KLHDC7A: variants seen among roughly 807,000 people sequenced by gnomAD.
KLHDC7A encodes the protein kelch domain containing 7A.
For synonymous variants in KLHDC7A, 464 were observed against 461.0 expected (o/e 1.01, Z -0.08); for missense variants, 1,123 against 1,052.6 (o/e 1.07, Z -0.93).
chr1:18,481,083 C>A lies in KLHDC7A; in HGVS notation c.102C>A (p.Ala34=), dbSNP rs765848067. 4 of 1,613,892 alleles carry A rather than the reference C, an allele frequency of 2.5e-6. No homozygotes were observed. The South Asian group carries it at 4.4e-5, about 18-fold the overall frequency. The change falls in exon 1 of 1, where the codon GCC becomes GCA. Residue 34 remains alanine, a synonymous_variant. Transcript: ENST00000400664. The part of the protein sequence containing the change: ...SAAALLLVTV[A]YRLYKSRPAP... ...CTGCCCTGCTCCTGGTGACTGTGGCCTACAGGCTGTACAAGTCGAGGCCTG... is the reference window on the plus strand; with the variant it reads ...CTGCCCTGCTCCTGGTGACTGTGGCATACAGGCTGTACAAGTCGAGGCCTG...
rs767660826 is a variant in KLHDC7A at position 18,482,457 on chromosome 1, G to GTACC, written c.1478_1481dup (p.Val495ProfsTer5). 1 of 1,610,966 alleles carries GTACC rather than the reference G, an allele frequency of 6.2e-7. No individual in the cohort carries two copies. The highest frequency in any genetic ancestry group is 1.7e-5 in the Admixed American group (1 of 60,010). On this transcript the variant is annotated frameshift_variant, in exon 1 of 1. Coordinates refer to ENST00000400664, the MANE Select transcript of KLHDC7A (RefSeq NM_152375.3). LOFTEE classifies it low-confidence loss of function (END_TRUNC). ...TGCAGCGCCGGCTCCGGGGCCGCCA[G>GTACC]TACCTGGTGGTGGCTGACGTGTGCC...
Position 18,484,282 on chromosome 1 carries a change from C to G in KLHDC7A, c.*967C>G, listed in dbSNP as rs529190398. The G allele has an allele frequency of 3.6e-5, 13 of 364,454 alleles. No homozygotes were observed. Among genetic ancestry groups the G allele is most frequent in the African/African-American group, 2.8e-4 (13 of 46,700 alleles). The allele number at this position is 364,454 out of a possible 1,614,324, so 22.6% of individuals were successfully genotyped here. Reference sequence around the variant, plus strand: ...TCACATTTTCAGGTGGATGACCAAGCGGAGGAACTAGAAGAGTCTAGTGAA... The same window carrying G: ...TCACATTTTCAGGTGGATGACCAAGGGGAGGAACTAGAAGAGTCTAGTGAA... On this transcript the variant is annotated 3_prime_UTR_variant, in exon 1 of 1. Coordinates refer to ENST00000400664, the MANE Select transcript of KLHDC7A (RefSeq NM_152375.3).
rs995238148 is a variant in KLHDC7A, at chr1:18,485,870, GTTTATT to G, written c.*2560_*2565del. The G allele has an allele frequency of 6.0e-6, 1 of 166,352 alleles. No homozygotes were observed. The highest frequency in any genetic ancestry group is 1.5e-5 in the Non-Finnish European group (1 of 68,016). 10.3% of individuals were successfully genotyped at this position (166,352 alleles called of 1,614,324 possible). A position where few individuals can be genotyped will look rare whatever the true frequency, so the allele number is the denominator to read the frequency against. On this transcript the variant is annotated 3_prime_UTR_variant, in exon 1 of 1. Transcript: ENST00000400664. ...CATTCTCTATTGTAATTTTGTTCCT[GTTTATT>G]TTTAAGTTTTCTTTTTGTTTCACTG... is the stretch of plus-strand genomic sequence containing the variant.
rs2086906664 is a variant in KLHDC7A at position 18,482,848 on chromosome 1, T to C, written c.1867T>C (p.Phe623Leu). ...DFAPPLPSDT[F>L]ALAHTATVRA... ...TGCCCCGCCGCTCCCCAGTGACACG[T>C]TCGCCCTGGCGCACACGGCCACGGT... The change falls in exon 1 of 1, where the codon TTC becomes CTC. Residue 623 changes from phenylalanine (F) to leucine (L), a missense_variant. Phe to Leu is a conservative substitution (Grantham distance 22). Coordinates refer to ENST00000400664, the MANE Select transcript of KLHDC7A (RefSeq NM_152375.3). 1 of 1,611,626 alleles carries C rather than the reference T, an allele frequency of 6.2e-7. No individual in the cohort carries two copies. The highest frequency in any genetic ancestry group is 8.5e-7 in the Non-Finnish European group (1 of 1,179,526).
chr1:18,482,366 A>T lies in KLHDC7A; in HGVS notation c.1385A>T (p.Tyr462Phe). 6.2e-7 allele frequency: 1 copy of T among 1,603,476 alleles called. No homozygotes were observed. The highest frequency in any genetic ancestry group is 8.5e-7 in the Non-Finnish European group (1 of 1,179,922). Residue 462 changes from tyrosine (Y) to phenylalanine (F), a missense_variant, in exon 1 of 1, where the codon TAC (tyrosine) becomes TTC (phenylalanine). By Grantham distance (22) the Tyr-to-Phe change is conservative. Transcript: ENST00000400664. ...EAAYKVMSEN[Y>F]LQVLRSPDIY... Reference sequence around the variant, plus strand: ...GCCTACAAGGTGATGAGCGAAAACTACCTGCAGGTGCTGCGCAGCCCGGAC... The same window carrying T: ...GCCTACAAGGTGATGAGCGAAAACTTCCTGCAGGTGCTGCGCAGCCCGGAC...
Position 18,481,398 on chromosome 1 carries a change from C to T in KLHDC7A, c.417C>T (p.Cys139=). ...CGGACTCTGAGCAGGTGCCTCCTTGCTGCCCCAGCCAGGAAACCAGAACAG... is the reference window on the plus strand; with the variant it reads ...CGGACTCTGAGCAGGTGCCTCCTTGTTGCCCCAGCCAGGAAACCAGAACAG... ...QGSDSEQVPP[C]CPSQETRTAV... is the part of the protein sequence containing the mutation. Residue 139 remains cysteine (C), a synonymous_variant, in exon 1 of 1, where the codon TGC becomes TGT. Transcript: ENST00000400664. The T allele has an allele frequency of 3.1e-6, 5 of 1,613,326 alleles. No individual in the cohort carries two copies. Among genetic ancestry groups the T allele is most frequent in the Non-Finnish European group, 4.2e-6 (5 of 1,179,754 alleles).
At position 18,484,124 on chromosome 1, in the gene KLHDC7A, C is replaced by T; in HGVS notation, c.*809C>T. The T allele has an allele frequency of 1.1e-6, 1 of 934,342 alleles. No individual in the cohort carries two copies. Among genetic ancestry groups the T allele is most frequent in the Non-Finnish European group, 1.5e-6 (1 of 652,990 alleles). The allele number at this position is 934,342 out of a possible 1,614,324, so 57.9% of individuals were successfully genotyped here. On this transcript the variant is annotated 3_prime_UTR_variant, in exon 1 of 1. Transcript: ENST00000400664. ...CCTCGGCCCTGCCCATGTTAACTGA[C>T]CATTGCACTCATTCTCAGATCTGTA... is the stretch of plus-strand genomic sequence containing the variant.
rs374976854 is a variant in KLHDC7A, at chr1:18,481,707, C to T, written c.726C>T (p.Ala242=). The change falls in exon 1 of 1, where the codon GCC becomes GCT. Residue 242 remains alanine, a synonymous_variant. Coordinates refer to ENST00000400664, the MANE Select transcript of KLHDC7A (RefSeq NM_152375.3). The part of the protein sequence containing the change: ...SREEAGALEA[A]SDVDLTLHQQ... ...AAGAGGCTGGGGCTCTCGAGGCTGC[C>T]TCCGATGTTGACCTGACCCTGCATC... 4 of 1,614,008 alleles carry T rather than the reference C, an allele frequency of 2.5e-6. No homozygotes were observed. The African/African-American group carries it at 5.3e-5, about 22-fold the overall frequency.
Position 18,482,066 on chromosome 1 carries a change from G to A in KLHDC7A, c.1085G>A (p.Arg362Gln). 1.2e-6 allele frequency: 2 copies of A among 1,612,646 alleles called. No individual in the cohort carries two copies. The highest frequency in any genetic ancestry group is 1.7e-6 in the Non-Finnish European group (2 of 1,179,836). Reference protein sequence around the residue: ...GPWPSTRGFSRKESLLQIAEN... With the variant: ...GPWPSTRGFSQKESLLQIAEN... ...TGGCCCTCCACCCGAGGCTTCAGCC[G>A]GAAGGAGAGCCTTCTGCAGATAGCG... Residue 362 changes from arginine to glutamine, a missense_variant, in exon 1 of 1, where the codon CGG becomes CAG. Coordinates refer to ENST00000400664, the MANE Select transcript of KLHDC7A (RefSeq NM_152375.3).
rs1302239904 is a variant in KLHDC7A, at chr1:18,482,984, G to T, written c.2003G>T (p.Arg668Leu). 6.2e-7 allele frequency: 1 copy of T among 1,612,856 alleles called. No homozygotes were observed. Among genetic ancestry groups the T allele is most frequent in the Admixed American group, 1.7e-5 (1 of 59,986 alleles). The stretch of plus-strand genomic sequence containing the variant: ...GGCCCCACCGGGGGCAGCAAGGACC[G>T]CACGGCCGAGATGGTGGCGGTCAAC... ...WAGPTGGSKD[R>L]TAEMVAVNGF... is the part of the protein sequence containing the mutation. The change falls in exon 1 of 1, where the codon CGC (arginine) becomes CTC (leucine). Residue 668 changes from arginine to leucine, a missense_variant. By Grantham distance (102) the Arg-to-Leu change is moderately radical. Coordinates refer to ENST00000400664, the MANE Select transcript of KLHDC7A (RefSeq NM_152375.3).
rs1272454765 is a variant in KLHDC7A, at chr1:18,481,839, G to C, written c.858G>C (p.Lys286Asn). ...CGGAGGGGGTTGAGCCCCGGCTCAA[G>C]GGCAAGGTGTACGACTACTATGTGG... ...QKAEGVEPRL[K>N]GKVYDYYVES... The change falls in exon 1 of 1, where the codon AAG (lysine) becomes AAC (asparagine). Residue 286 changes from lysine to asparagine, a missense_variant. Lys to Asn is a moderately conservative substitution (Grantham distance 94, BLOSUM62 0). Transcript: ENST00000400664. The C allele has an allele frequency of 1.2e-6, 2 of 1,614,100 alleles. No individual in the cohort carries two copies. The highest frequency in any genetic ancestry group is 2.2e-5 in the East Asian group (1 of 44,870).
Position 18,485,069 on chromosome 1 carries a change from CA to C in KLHDC7A, c.*1756del, listed in dbSNP as rs2086924540. ...AGTGTCAACACTAGGCATGAACCTC[CA>C]AGGGACCTGTGGGCTGGGGCAGAAT... On this transcript the variant is annotated 3_prime_UTR_variant, in exon 1 of 1. Coordinates refer to ENST00000400664, the MANE Select transcript of KLHDC7A (RefSeq NM_152375.3). 1 of 167,258 alleles carries C rather than the reference CA, an allele frequency of 6.0e-6. No homozygotes were observed. Among genetic ancestry groups the C allele is most frequent in the Non-Finnish European group, 1.5e-5 (1 of 68,286 alleles). 10.4% of individuals were successfully genotyped at this position (167,258 alleles called of 1,614,324 possible). A position where few individuals can be genotyped will look rare whatever the true frequency, so the allele number is the denominator to read the frequency against.
rs761390895 is a variant in KLHDC7A, at chr1:18,482,679, G to A, written c.1698G>A (p.Thr566=). ...GCGTCTTCTGCTACAACCCGCTCAC[G>A]GGGATCTGGAGCGAGGTGTGCCCGC... The part of the protein sequence containing the change: ...SSRVFCYNPL[T]GIWSEVCPLN... Residue 566 remains threonine (T), a synonymous_variant, in exon 1 of 1, where the codon ACG becomes ACA. Coordinates refer to ENST00000400664, the MANE Select transcript of KLHDC7A (RefSeq NM_152375.3). 6.2e-7 allele frequency: 1 copy of A among 1,609,270 alleles called. No individual in the cohort carries two copies. The highest frequency in any genetic ancestry group is 1.1e-5 in the South Asian group (1 of 90,904).
In KLHDC7A at chr1:18,481,570, C is replaced by A. The variant is rs778460804; in HGVS notation, c.589C>A (p.Pro197Thr). 6.9e-5 allele frequency: 111 copies of A among 1,613,518 alleles called. No homozygotes were observed. Among genetic ancestry groups the A allele is most frequent in the South Asian group, 2.2e-5 (2 of 91,070 alleles). Reference sequence around the variant, plus strand: ...GCAGGACAGTAAACCCCGTGAGCATCCAGGACTGGGGCAACTAGAACCTCC... The same window carrying A: ...GCAGGACAGTAAACCCCGTGAGCATACAGGACTGGGGCAACTAGAACCTCC... ...PWQDSKPREH[P>T]GLGQLEPPHC... is the part of the protein sequence containing the mutation. The change falls in exon 1 of 1, where the codon CCA (proline) becomes ACA (threonine). Residue 197 changes from proline to threonine, a missense_variant. Pro to Thr is a conservative substitution (Grantham distance 38). Transcript: ENST00000400664.
chr1:18,481,266 C>A lies in KLHDC7A; in HGVS notation c.285C>A (p.Cys95Ter), dbSNP rs763612271. ...AGCGGGCTGAAGCACCACAGGGCTG[C>A]AGCTGTGAGAATCCAAGAGGCCCCT... ...SSKRAEAPQG[C>*]SCENPRGPYV... is the part of the protein sequence containing the mutation. The change falls in exon 1 of 1, where the codon TGC becomes TGA. Residue 95 changes from cysteine to a stop codon, truncating the protein, a stop_gained. Coordinates refer to ENST00000400664, the MANE Select transcript of KLHDC7A (RefSeq NM_152375.3). LOFTEE classifies it low-confidence loss of function (END_TRUNC). 5 of 1,584,562 alleles carry A rather than the reference C, an allele frequency of 3.2e-6. No individual in the cohort carries two copies. The highest frequency in any genetic ancestry group is 1.8e-5 in the Admixed American group (1 of 56,682).
Position 18,484,577 on chromosome 1 carries a change from G to A in KLHDC7A, c.*1262G>A, listed in dbSNP as rs2086921487. On this transcript the variant is annotated 3_prime_UTR_variant, in exon 1 of 1. Coordinates refer to ENST00000400664, the MANE Select transcript of KLHDC7A (RefSeq NM_152375.3). ...GAAAATAAGGATGCTTTGGACCTCA[G>A]TGTCCTTGTCTTGAAAATGGGAAGG... 1 of 167,832 alleles carries A rather than the reference G, an allele frequency of 6.0e-6. No homozygotes were observed. The highest frequency in any genetic ancestry group is 1.5e-5 in the Non-Finnish European group (1 of 68,640). The allele number at this position is 167,832 out of a possible 1,614,324, so 10.4% of individuals were successfully genotyped here. A position where few individuals can be genotyped will look rare whatever the true frequency, so the allele number is the denominator to read the frequency against.
At position 18,481,093 on chromosome 1, in the gene KLHDC7A, T is replaced by C; in HGVS notation, c.112T>C (p.Tyr38His). 1 of 1,613,810 alleles carries C rather than the reference T, an allele frequency of 6.2e-7. No homozygotes were observed. Among genetic ancestry groups the C allele is most frequent in the Non-Finnish European group, 8.5e-7 (1 of 1,179,958 alleles). The change falls in exon 1 of 1, where the codon TAC (tyrosine) becomes CAC (histidine). Residue 38 changes from tyrosine to histidine, a missense_variant. Transcript: ENST00000400664. ...LLLVTVAYRL[Y>H]KSRPAPAQRW... Reference sequence around the variant, plus strand: ...CCTGGTGACTGTGGCCTACAGGCTGTACAAGTCGAGGCCTGCCCCAGCCCA... The same window carrying C: ...CCTGGTGACTGTGGCCTACAGGCTGCACAAGTCGAGGCCTGCCCCAGCCCA...
chr1:18,481,730 A>G lies in KLHDC7A; in HGVS notation c.749A>G (p.His250Arg). The change falls in exon 1 of 1, where the codon CAT (histidine) becomes CGT (arginine). Residue 250 changes from histidine (H) to arginine (R), a missense_variant. By Grantham distance (29) the His-to-Arg change is conservative. Transcript: ENST00000400664. ...EAASDVDLTL[H>R]QQEGAPNSSY... ...GCCTCCGATGTTGACCTGACCCTGCATCAGCAGGAGGGCGCCCCCAACTCC... is the reference window on the plus strand; with the variant it reads ...GCCTCCGATGTTGACCTGACCCTGCGTCAGCAGGAGGGCGCCCCCAACTCC... 6.2e-7 allele frequency: 1 copy of G among 1,614,064 alleles called. No individual in the cohort carries two copies. The highest frequency in any genetic ancestry group is 8.5e-7 in the Non-Finnish European group (1 of 1,179,988).
At position 18,485,471 on chromosome 1, in the gene KLHDC7A, A is replaced by G. The variant is rs2100263854; in HGVS notation, c.*2156A>G. 1 of 164,566 alleles carries G rather than the reference A, an allele frequency of 6.1e-6. No homozygotes were observed. Among genetic ancestry groups the G allele is most frequent in the South Asian group, 2.2e-4 (1 of 4,448 alleles). 10.2% of individuals were successfully genotyped at this position (164,566 alleles called of 1,614,324 possible). On this transcript the variant is annotated 3_prime_UTR_variant, in exon 1 of 1. Transcript: ENST00000400664. Reference sequence around the variant, plus strand: ...GATTTGGGCCTGGGCTGGGAAGAGGAGTACACAGTCCATCTGATCCACCTC... The same window carrying G: ...GATTTGGGCCTGGGCTGGGAAGAGGGGTACACAGTCCATCTGATCCACCTC...
Sources: gnomAD v4.1 joint callset for allele counts on GRCh38, gnomAD v4.1.1 for gene constraint, MANE v1.5 for transcripts, NCBI Gene and HGNC (gene_info 2026-07-23, HGNC 2026-07-21) for gene names.